The following STXBP5L variants were observed in gnomAD, a reference collection of about 807,000 sequenced individuals.
STXBP5L encodes the protein syntaxin binding protein 5L.
A neutral mutation model predicts 144.5 loss-of-function variants in STXBP5L; 65 were observed. The observed-to-expected ratio is 0.45, with a 90% CI of 0.37 to 0.55. STXBP5L has a LOEUF of 0.55. Among genes scored for constraint, STXBP5L ranks in the 20% least tolerant of loss-of-function variants. The probability of loss-of-function intolerance (pLI) is 0.00; values close to 1 mark genes in which losing one functional copy is unlikely to be tolerated. For missense variants in STXBP5L, 1,298 were observed against 1,405.5 expected, an observed-to-expected ratio of 0.92 and a Z score of 1.22; for synonymous variants, 505 against 469.6, an observed-to-expected ratio of 1.08 and a Z score of -0.97.
intron 5 of STXBP5L, among the ~76,000 whole-genome samples, chr3:121,103,274 G>A (rs2043522778): frequency 1.3e-5 from 2 of 152,122 alleles, no homozygotes; most frequent in African/African-American, 2.4e-5. Flanking sequence ...CAATATCAAA[G>A]ACATGGAATC....
intron 5 of STXBP5L, among the ~76,000 whole-genome samples, chr3:121,092,562 G>T (rs2042871188): frequency 1.3e-5 from 2 of 152,006 alleles, no homozygotes; most frequent in African/African-American, 2.4e-5. Context: ...TCATGATTTG[G>T]CTCTCTGTTT....
At chr3:121,075,452 C>G (rs1349928259) in intron 5 of STXBP5L, among the ~76,000 whole-genome samples, 1 of 152,146 alleles carries the variant, frequency 6.6e-6, no homozygotes, top group Admixed American at 6.5e-5. Context: ...CTCTCTTGGC[C>G]TCCTCATCTT....
chr3:121,113,465 C>A, intron 5 of STXBP5L, among the ~76,000 whole-genome samples: 1 of 152,018 alleles, frequency 6.6e-6, no homozygotes, highest in East Asian at 1.9e-4. Context: ...AATTTTCCAA[C>A]ATCATATAGG....
Position 121,006,670 on chromosome 3 carries a change from T to G in STXBP5L, c.288-35030T>G, listed in dbSNP as rs544471151. Reference sequence around the variant, plus strand: ...TCAATGGTCTTTACAATTTGGCATGTTTTTGCAGTGGCTGGTGCCAGTTTT... The same window carrying G: ...TCAATGGTCTTTACAATTTGGCATGGTTTTGCAGTGGCTGGTGCCAGTTTT... On this transcript the variant is annotated intron_variant, in intron 3 of 26. Transcript: ENST00000471454. 5.9e-5 allele frequency among the ~76,000 whole-genome samples: 9 copies of G among 152,270 alleles called. No individual in the cohort carries two copies. In the East Asian group the frequency reaches 1.2e-3, roughly 20 times the overall value.
intron 5 of STXBP5L, among the ~76,000 whole-genome samples, chr3:121,087,324 A>C (rs2042547114): frequency 6.6e-6 from 1 of 151,886 alleles, no homozygotes; most frequent in Non-Finnish European, 1.5e-5. Context: ...TCCTCCTTTC[A>C]GTTCTGTCAT....
chr3:121,204,784 TGAGA>T (rs1477754324), intron 9 of STXBP5L, among the ~76,000 whole-genome samples: 1 of 152,054 alleles, frequency 6.6e-6, no homozygotes, highest in Non-Finnish European at 1.5e-5. Flanking sequence ...TTAACCAAAA[TGAGA>T]AAGAATTAAA....
intron 3 of STXBP5L, among the ~76,000 whole-genome samples, chr3:120,969,443 C>T (rs1213791182): frequency 2.1e-5 from 3 of 139,966 alleles, no homozygotes; most frequent in African/African-American, 8.0e-5. Context: ...CTTGTAGATT[C>T]TGGATACTAG....
intron 2 of STXBP5L, among the ~76,000 whole-genome samples, chr3:120,919,144 G>A (rs1274329828): frequency 6.6e-6 from 1 of 151,794 alleles, no homozygotes; most frequent in East Asian, 1.9e-4. Flanking sequence ...AAAGTGAGGT[G>A]GATTCTCAAC....
chr3:121,300,298 A>C (rs1409600290), intron 19 of STXBP5L, among the ~76,000 whole-genome samples: 1 of 152,166 alleles, frequency 6.6e-6, no homozygotes, highest in Non-Finnish European at 1.5e-5. Flanking sequence ...AAATTTTTAA[A>C]GCAGATAAAA....
intron 7 of STXBP5L, among the ~76,000 whole-genome samples, chr3:121,129,872 G>C (rs1021547056): frequency 6.6e-6 from 1 of 151,950 alleles, no homozygotes; most frequent in African/African-American, 2.4e-5. Context: ...AGATCCAGGG[G>C]CCTGTACCAG....
intron 14 of STXBP5L, among the ~76,000 whole-genome samples, chr3:121,244,838 C>A (rs995738592): frequency 1.3e-5 from 2 of 151,892 alleles, no homozygotes; most frequent in Admixed American, 1.3e-4. Context: ...TTTGTCATAA[C>A]CAACTTCAAA....
At position 121,192,694 on chromosome 3, in the gene STXBP5L, C is replaced by A. The variant is rs149678588; in HGVS notation, c.878-13229C>A. 4.6e-3 allele frequency among the ~76,000 whole-genome samples: 696 copies of A among 152,300 alleles called. 4 individuals are homozygous for A. The highest frequency in any genetic ancestry group is 0.016 in the African/African-American group (660 of 41,566). ...ACATCTACAACCATCTCATCTTCAA[C>A]AAACCTGACAAAAACCAGCAATGGG... On this transcript the variant is annotated intron_variant, in intron 9 of 26. Transcript: ENST00000471454.
chr3:121,207,720 A>T (rs2048393627), intron 10 of STXBP5L, among the ~76,000 whole-genome samples: 1 of 152,228 alleles, frequency 6.6e-6, no homozygotes. Context: ...CAGCCAACAG[A>T]CACATGAAAA....
intron 5 of STXBP5L, among the ~76,000 whole-genome samples, chr3:121,046,701 T>C (rs1160711164): frequency 6.6e-6 from 1 of 152,108 alleles, no homozygotes; most frequent in Non-Finnish European, 1.5e-5. Flanking sequence ...GGGTTGGTGG[T>C]AATGTCTTTT....
intron 5 of STXBP5L, among the ~76,000 whole-genome samples, chr3:121,046,680 A>C (rs1424036788): frequency 6.6e-6 from 1 of 151,490 alleles, no homozygotes; most frequent in Non-Finnish European, 1.5e-5. Context: ...AGGGTTTTTT[A>C]TATTTCTGTG....
chr3:121,106,111 C>T (rs938276675), intron 5 of STXBP5L, among the ~76,000 whole-genome samples: 2 of 152,184 alleles, frequency 1.3e-5, no homozygotes, highest in Admixed American at 6.5e-5. Flanking sequence ...TTAATCTCTT[C>T]CTTCTTTGGA....
At chr3:121,413,409 G>T in intron 24 of STXBP5L, 86 bp downstream of exon 24, 2 of 1,258,912 alleles carry the variant, frequency 1.6e-6, no homozygotes, top group South Asian at 1.9e-5. Context: ...ATATTATTAG[G>T]TCAGACAATA....
intron 3 of STXBP5L, among the ~76,000 whole-genome samples, chr3:121,038,781 G>T (rs1946939285): frequency 6.6e-6 from 1 of 151,660 alleles, no homozygotes; most frequent in African/African-American, 2.4e-5. Flanking sequence ...GTAATTAGGT[G>T]TATAATTTAG....
At position 121,255,002 on chromosome 3, in the gene STXBP5L, A is replaced by G; in HGVS notation, c.1549A>G (p.Ile517Val). ...CEIVEEDPFA[I>V]QMIYWCPESR... is the part of the protein sequence containing the mutation. ...AATTGTAGAGGAAGACCCATTTGCC[A>G]TTCAGATGATTTACTGGTGTCCAGA... The change falls in exon 16 of 27, where the codon ATT (isoleucine) becomes GTT (valine). Residue 517 changes from isoleucine to valine, a missense_variant. Transcript: ENST00000471454. 1 of 1,613,668 alleles carries G rather than the reference A, an allele frequency of 6.2e-7. No individual in the cohort carries two copies.
Sources: allele counts gnomAD v4.1 joint callset (sites outside exome capture counted in the v4.1 genomes callset), GRCh38; gene constraint gnomAD v4.1.1; transcripts MANE v1.5; gene names NCBI Gene and HGNC (gene_info 2026-07-23, HGNC 2026-07-21).